Variants in SOX5 observed in about 807,000 individuals in gnomAD.
SOX5 encodes transcription factor SOX-5.
In SOX5, 9 loss-of-function variants were observed where a neutral mutation model predicts 92.0. The ratio of observed to expected loss-of-function variants is 0.10; its 90% CI spans 0.06 to 0.17. SOX5 has a LOEUF of 0.17. Ranked by LOEUF, SOX5 falls within the 10% of genes least tolerant of loss-of-function variation. SOX5 has a pLI of 1.00. For missense variants in SOX5, 642 were observed against 944.5 expected (o/e 0.68, Z 4.20); for synonymous variants, 344 against 336.3 (o/e 1.02, Z -0.25).
intron 3 of SOX5, among the ~76,000 whole-genome samples, chr12:23,803,187 C>A (rs909111378): frequency 6.6e-6 from 1 of 152,128 alleles, no homozygotes; most frequent in Admixed American, 6.5e-5. Flanking sequence ...TATGTCCTTT[C>A]TTGACCTCTT....
At chr12:23,934,909 G>C (rs1400594473) in intron 1 of SOX5, among the ~76,000 whole-genome samples, 1 of 151,284 alleles carries the variant, frequency 6.6e-6, no homozygotes, top group Non-Finnish European at 1.5e-5. Context: ...TAAAATAAAT[G>C]TAAGCAGTCT....
chr12:24,368,736 A>G (rs1040136632), intron 1 of SOX5: 7 of 152,252 alleles, frequency 4.6e-5, no homozygotes, highest in Non-Finnish European at 1.5e-5. Context: ...CAACGAAGTA[A>G]CCATCCATAT....
At chr12:23,692,195 G>A (rs2088942917) in intron 6 of SOX5, among the ~76,000 whole-genome samples, 1 of 152,040 alleles carries the variant, frequency 6.6e-6, no homozygotes, top group Admixed American at 6.5e-5. Context: ...CACCTTGGGA[G>A]GCCGAGACAG....
intron 1 of SOX5, among the ~76,000 whole-genome samples, chr12:24,512,764 T>C (rs1597463634): frequency 6.6e-6 from 1 of 152,202 alleles, no homozygotes; most frequent in South Asian, 2.1e-4. Flanking sequence ...TTCAGGTTTC[T>C]TCCAAATCCA....
chr12:24,552,942 G>A (rs1953349748), intron 1 of SOX5, among the ~76,000 whole-genome samples: 1 of 141,404 alleles, frequency 7.1e-6, no homozygotes, highest in Admixed American at 7.0e-5. Flanking sequence ...CGAGGTAGGA[G>A]GATCACTTGA....
chr12:23,952,168 T>C (rs117274067), upstream of SOX5, among the ~76,000 whole-genome samples: 1 of 151,850 alleles, frequency 6.6e-6, no homozygotes, highest in East Asian at 1.9e-4. Context: ...GGAGGATGGG[T>C]GAGTTACAGG....
intron 4 of SOX5, among the ~76,000 whole-genome samples, chr12:24,067,883 G>T (rs374525651): frequency 6.6e-6 from 1 of 152,226 alleles, no homozygotes; most frequent in African/African-American, 2.4e-5. Flanking sequence ...GGCGGCTCAC[G>T]CCTGTAATCC....
At chr12:23,943,876 G>A (rs182749111) in intron 1 of SOX5, among the ~76,000 whole-genome samples, 93 of 152,154 alleles carry the variant, frequency 6.1e-4, no homozygotes, top group Middle Eastern at 6.8e-3. Flanking sequence ...TTACTTTCAA[G>A]CTGGGTGACA....
rs1962291163 is a variant in SOX5, at chr12:24,403,760, G to T, written c.-250-35121C>A. ...ATATCATTAGTGCAGCTTCATTAAA[G>T]TGTATTTTTCTTAAGCATTTCTCAA... On this transcript the variant is annotated intron_variant, in intron 1 of 4. Transcript: ENST00000446891. Among the ~76,000 whole-genome samples the T allele has an allele frequency of 4.6e-5, 7 of 152,264 alleles. No homozygotes were observed. The South Asian group carries it at 1.5e-3, about 32-fold the overall frequency.
intron 1 of SOX5, among the ~76,000 whole-genome samples, chr12:24,511,082 G>T (rs1949262826): frequency 6.6e-6 from 1 of 152,114 alleles, no homozygotes; most frequent in Non-Finnish European, 1.5e-5. Context: ...ATTGCACTAG[G>T]CTGGGTATAC....
At chr12:23,964,187 T>A (rs548929690) in intron 4 of SOX5, among the ~76,000 whole-genome samples, 1 of 152,218 alleles carries the variant, frequency 6.6e-6, no homozygotes, top group East Asian at 1.9e-4. Context: ...AGATAAATAT[T>A]GGGAAATTAA....
In SOX5 at chr12:24,083,159, T is replaced by C. The variant is rs892454255; in HGVS notation, c.-2+130184A>G. On this transcript the variant is annotated intron_variant, in intron 4 of 4. Coordinates refer to the SOX5 transcript ENST00000446891. The stretch of plus-strand genomic sequence containing the variant: ...ATCAAACGGCTGATAATTTTTCAAG[T>C]GTATTCAATTTGTTATACAATACAA... Among the ~76,000 whole-genome samples the C allele has an allele frequency of 1.3e-4, 20 of 152,144 alleles. 1 individual carries two copies. The highest frequency in any genetic ancestry group is 7.2e-4 in the Admixed American group (11 of 15,256).
intron 2 of SOX5, among the ~76,000 whole-genome samples, chr12:23,865,181 C>A (rs892915613): frequency 2.0e-5 from 3 of 152,112 alleles, no homozygotes; most frequent in African/African-American, 7.2e-5. Context: ...CTATTTTAAG[C>A]CCACTGTTGA....
chr12:24,470,585 T>C (rs1944707120), intron 1 of SOX5, among the ~76,000 whole-genome samples: 1 of 152,168 alleles, frequency 6.6e-6, no homozygotes, highest in Admixed American at 6.5e-5. Flanking sequence ...GGAAACACTC[T>C]CATTTTCATT....
intron 4 of SOX5, among the ~76,000 whole-genome samples, chr12:24,196,176 C>CGCCT (rs532337655): frequency 3.3e-4 from 51 of 152,316 alleles, no homozygotes; most frequent in African/African-American, 1.2e-3. Context: ...TGAGCCACCA[C>CGCCT]GCCTGGCCCA....
At chr12:23,690,886 C>T (rs1344665032) in intron 6 of SOX5, among the ~76,000 whole-genome samples, 1 of 152,192 alleles carries the variant, frequency 6.6e-6, no homozygotes, top group African/African-American at 2.4e-5. Context: ...TAACATTCAG[C>T]TCTGGTTGAC....
chr12:24,490,096 A>C (rs1231178486), intron 1 of SOX5, among the ~76,000 whole-genome samples: 1 of 152,228 alleles, frequency 6.6e-6, no homozygotes, highest in Non-Finnish European at 1.5e-5. Flanking sequence ...CATTCAGCGC[A>C]CTGCTTTGCC....
rs1248034899 is a variant in SOX5 at position 23,534,323 on chromosome 12, C to T, written c.2188G>A (p.Asp730Asn). Residue 730 changes from aspartate (D) to asparagine (N), a missense_variant, in exon 15 of 15, where the codon GAC becomes AAC. Physicochemically the swap from Asp to Asn is conservative, Grantham distance 23 (BLOSUM62 1). Transcript: ENST00000451604. ...PHIKEEIQAE[D>N]INGEIYDEYD... ...TCATCATAAATTTCTCCATTGATGT[C>T]CTCGGCCTGTATCTCTTCTTTGATA... The T allele has an allele frequency of 5.0e-6, 8 of 1,613,998 alleles. No individual in the cohort carries two copies. The highest frequency in any genetic ancestry group is 1.3e-5 in the African/African-American group (1 of 74,916).
chr12:23,651,422 T>C (rs1017451044), intron 7 of SOX5, among the ~76,000 whole-genome samples: 18 of 152,182 alleles, frequency 1.2e-4, no homozygotes, highest in African/African-American at 3.6e-4. Flanking sequence ...TTTAAAGCAT[T>C]ATGCAAATGT....
Sources: gnomAD v4.1 joint callset for allele counts (sites outside exome capture counted in the v4.1 genomes callset) on GRCh38, gnomAD v4.1.1 for gene constraint, MANE v1.5 for transcripts, NCBI Gene and HGNC (gene_info 2026-07-23, HGNC 2026-07-21) for gene names.